POLG: variants seen among roughly 807,000 people sequenced by gnomAD.
The protein encoded by POLG is DNA polymerase subunit gamma-1.
A neutral mutation model predicts 155.4 loss-of-function variants in POLG; 110 were observed. That is an observed-to-expected ratio of 0.71 (90% CI 0.61 to 0.83). The LOEUF is 0.83. Among genes scored for constraint, POLG ranks in the 40% least tolerant of loss-of-function variants. The pLI, the probability that POLG is intolerant of heterozygous loss-of-function variation, is 0.00. For missense variants in POLG, 1,685 were observed against 1,627.5 expected (o/e 1.04, Z -0.61); for synonymous variants, 701 against 631.5 (o/e 1.11, Z -1.65).
Position 89,319,336 on chromosome 15 carries a change from T to A in POLG, c.2996A>T (p.Asp999Val). 6.2e-7 allele frequency: 1 copy of A among 1,613,878 alleles called. No individual in the cohort carries two copies. The highest frequency in any genetic ancestry group is 8.5e-7 in the Non-Finnish European group (1 of 1,179,994). The change falls in exon 19 of 23, where the codon GAT (aspartate) becomes GTT (valine). Residue 999 changes from aspartate to valine, a missense_variant. Physicochemically the swap from Asp to Val is radical, Grantham distance 152. This residue lies in a region of POLG where 470 missense variants were observed against 439.9 expected (regional missense o/e 1.07). Transcript: ENST00000268124. The stretch of plus-strand genomic sequence containing the variant: ...CTCCCTCACCAGCCACTCGCCCTCA[T>A]CCGACAGCCGATACCTGGGGGCAGT... Reference protein sequence around the residue: ...TKGLRWYRLSDEGEWLVRELN... With the variant: ...TKGLRWYRLSVEGEWLVRELN...
At position 89,321,977 on chromosome 15, in the gene POLG, G is replaced by A. The variant is rs1012514400; in HGVS notation, c.2465C>T (p.Pro822Leu). ...MVVWLPRSALPRAVIRHPDYD... is the reference protein window; with the variant it reads ...MVVWLPRSALLRAVIRHPDYD... ...CAGACCATACCTGATCACAGCACGG[G>A]GCAGAGCTGACCTGGGCAGCCACAC... Residue 822 changes from proline (P) to leucine (L), a missense_variant, in exon 15 of 23, where the codon CCC (proline) becomes CTC (leucine). Coordinates refer to ENST00000268124, the MANE Select transcript of POLG (RefSeq NM_002693.3). The A allele has an allele frequency of 6.2e-7, 1 of 1,614,108 alleles. No homozygotes were observed. Among genetic ancestry groups the A allele is most frequent in the Non-Finnish European group, 8.5e-7 (1 of 1,179,978 alleles).
chr15:89,323,555 G>GCATT (rs1438979771), intron 12 of POLG, 44 bp from the exon 13 acceptor site: 1 of 1,289,024 alleles, frequency 7.8e-7, no homozygotes. Context: ...TCCAGCACCT[G>GCATT]CATTCAGCAA....
chr15:89,323,049 A>G, intron 13 of POLG, 147 bp from the exon 14 acceptor site: 5 of 754,006 alleles, frequency 6.6e-6, no homozygotes, highest in South Asian at 1.7e-5. Flanking sequence ...GCACGCGCGC[A>G]CGCGCGCACG....
In POLG at chr15:89,322,754, T is replaced by A. The variant is rs1474020827; in HGVS notation, c.2414A>T (p.His805Leu). The A allele has an allele frequency of 6.2e-7, 1 of 1,613,960 alleles. No homozygotes were observed. The highest frequency in any genetic ancestry group is 8.5e-7 in the Non-Finnish European group (1 of 1,179,986). ...NKMISFWRNA[H>L]KRISSQMVVW... ...CATGGTGGCCCACCTGATACGTTTA[T>A]GGGCGTTCCTCCAGAAAGAAATCAT... Residue 805 changes from histidine to leucine, a missense_variant, in exon 14 of 23, where the codon CAT (histidine) becomes CTT (leucine). Around this residue, in one of 3 missense-constraint regions of POLG, gnomAD observed 1,210 missense variants for 1,167.1 expected, o/e 1.04. Coordinates refer to ENST00000268124, the MANE Select transcript of POLG (RefSeq NM_002693.3).
Position 89,333,329 on chromosome 15 carries a change from C to G in POLG, c.426G>C (p.Leu142=). 1 of 1,560,078 alleles carries G rather than the reference C, an allele frequency of 6.4e-7. No individual in the cohort carries two copies. Among genetic ancestry groups the G allele is most frequent in the Non-Finnish European group, 8.7e-7 (1 of 1,153,180 alleles). ...GDNLDQHFRL[L]AQKQSLPYLE... is the part of the protein sequence containing the mutation. ...GGTAGGGCAGGCTCTGCTTCTGGGC[C>G]AGGAGGCGGAAGTGCTGGTCCAGGT... Residue 142 remains leucine, a synonymous_variant, in exon 2 of 23, where the codon CTG becomes CTC. Transcript: ENST00000268124.
At chr15:89,325,731 G>T in intron 9 of POLG, 45 bp from the exon 10 acceptor site, 1 of 1,399,308 alleles carries the variant, frequency 7.1e-7, no homozygotes, top group Non-Finnish European at 1.0e-6. Context: ...GGTAAGGGCA[G>T]TTGTTGGGGG....
intron 14 of POLG, among the ~76,000 whole-genome samples, chr15:89,322,433 A>G (rs1446382992): frequency 3.3e-5 from 5 of 152,196 alleles, no homozygotes; most frequent in African/African-American, 1.2e-4. Context: ...CCAGCCCCCA[A>G]CAGGGCTTAC....
At chr15:89,318,788 C>A in intron 20 of POLG, 39 bp from the exon 21 acceptor site, 3 of 1,581,642 alleles carry the variant, frequency 1.9e-6, no homozygotes, top group Non-Finnish European at 2.6e-6. Flanking sequence ...AGGGGCTATG[C>A]TACATACCAA....
At chr15:89,317,270 G>T in intron 22 of POLG, 106 bp downstream of exon 22, 1 of 942,638 alleles carries the variant, frequency 1.1e-6, no homozygotes, top group Non-Finnish European at 1.7e-6. Context: ...TATAGCCTGA[G>T]TCAAGAGTGG....
At chr15:89,321,614 G>A in intron 16 of POLG, 122 bp downstream of exon 16, 1 of 825,338 alleles carries the variant, frequency 1.2e-6, no homozygotes, top group Non-Finnish European at 2.1e-6. Flanking sequence ...CTAGAGTCCT[G>A]CCTGACCCAG....
rs760305377 is a variant in POLG at position 89,320,863 on chromosome 15, C to T, written c.2884G>A (p.Ala962Thr). Residue 962 changes from alanine to threonine, a missense_variant, in exon 18 of 23, where the codon GCT becomes ACT. Transcript: ENST00000268124. ...TTAAACTGCATTAGTAAGCGCTCAG[C>T]AAAGGGCTGCCCAGCACCATAGATG... ...GRIYGAGQPF[A>T]ERLLMQFNHR... 4.3e-6 allele frequency: 7 copies of T among 1,613,874 alleles called. No homozygotes were observed. The East Asian group carries it at 1.3e-4, about 31-fold the overall frequency.
chr15:89,322,934 G>C, intron 13 of POLG, 32 bp from the exon 14 acceptor site: 1 of 1,607,436 alleles, frequency 6.2e-7, no homozygotes, highest in Non-Finnish European at 8.5e-7. Flanking sequence ...GGGGCTGGAG[G>C]CAGGTGGCAG....
In POLG at chr15:89,330,094, T is replaced by C. The variant is rs1201281408; in HGVS notation, c.842A>G (p.Gln281Arg). The stretch of plus-strand genomic sequence containing the variant: ...CAGGAACCTTACCTGGATCAGGTAC[T>C]GCTCCCTGATATGAGCTCGGTCAAA... ...VSFDRAHIREQYLIQGSRMRF... is the reference protein window; with the variant it reads ...VSFDRAHIRERYLIQGSRMRF... Residue 281 changes from glutamine to arginine, a missense_variant, in exon 3 of 23, where the codon CAG becomes CGG. Physicochemically the swap from Gln to Arg is conservative, Grantham distance 43 (BLOSUM62 1). Transcript: ENST00000268124. The C allele has an allele frequency of 6.2e-7, 1 of 1,613,346 alleles. No individual in the cohort carries two copies. The highest frequency in any genetic ancestry group is 1.7e-5 in the Admixed American group (1 of 60,034).
rs1241518907 is a variant in POLG at position 89,327,000 on chromosome 15, T to C, written c.1497A>G (p.Lys499=). ...CTGGTTCCTTCTTCACCTTCTTAGC[T>C]TTCTTCTGCTTAAATTCTTGCAGGT... ...EWDLQEFKQK[K]AKKVKKEPAT... is the part of the protein sequence containing the mutation. The change falls in exon 8 of 23, where the codon AAA becomes AAG. Residue 499 remains lysine (K), a synonymous_variant. Transcript: ENST00000268124. 1 of 1,614,198 alleles carries C rather than the reference T, an allele frequency of 6.2e-7. No individual in the cohort carries two copies. Among genetic ancestry groups the C allele is most frequent in the Non-Finnish European group, 8.5e-7 (1 of 1,180,034 alleles).
rs2055387794 is a variant in POLG, at chr15:89,321,027, GGAGT to G, written c.2735-19_2735-16del. 1 of 1,614,018 alleles carries G rather than the reference GGAGT, an allele frequency of 6.2e-7. No homozygotes were observed. The highest frequency in any genetic ancestry group is 1.1e-5 in the South Asian group (1 of 91,088). ...GGCTGTGCAGCCTGGAAGACAAGCA[GGAGT>G]GAGAAAAGCAGCTCAGGAACATTCT... is the stretch of plus-strand genomic sequence containing the variant. On this transcript the variant is annotated splice_polypyrimidine_tract_variant and intron_variant, in intron 17 of 22. Transcript: ENST00000268124.
intron 14 of POLG, among the ~76,000 whole-genome samples, chr15:89,322,426 GCCC>G (rs1047986894): frequency 2.0e-5 from 3 of 152,212 alleles, no homozygotes; most frequent in Non-Finnish European, 4.4e-5. Context: ...CCAGCTCCCA[GCCC>G]CCAACAGGGC....
intron 10 of POLG, among the ~76,000 whole-genome samples, chr15:89,324,747 TACA>T (rs756582980): frequency 6.6e-6 from 1 of 152,238 alleles, no homozygotes; most frequent in Non-Finnish European, 1.5e-5. Flanking sequence ...CTTTGTCAAC[TACA>T]ACATGGGGAT....
Position 89,333,596 on chromosome 15 carries a change from T to TGCTGC in POLG, c.158_159insGCAGC (p.Gln55HisfsTer213). 1.3e-6 allele frequency: 2 copies of TGCTGC among 1,598,022 alleles called. No homozygotes were observed. The highest frequency in any genetic ancestry group is 1.7e-5 in the Admixed American group (1 of 59,154). ...GCACTTGCGGCTGCTGAGGCTGCTGTTGCTGCTGCTGCTGCTGCTGCTGCT... is the reference window on the plus strand; with the variant it reads ...GCACTTGCGGCTGCTGAGGCTGCTGTGCTGCTGCTGCTGCTGCTGCTGCTGCTGCT... On this transcript the variant is annotated frameshift_variant, in exon 2 of 23. Coordinates refer to ENST00000268124, the MANE Select transcript of POLG (RefSeq NM_002693.3). LOFTEE classifies it high-confidence loss of function.
chr15:89,319,427 CAT>C lies in POLG; in HGVS notation c.2982-79_2982-78del. On this transcript the variant is annotated intron_variant, in intron 18 of 22. Coordinates refer to ENST00000268124, the MANE Select transcript of POLG (RefSeq NM_002693.3). Reference sequence around the variant, plus strand: ...CTAGTGCCTTGGCAAGGAATGTTCACATATCACTTCAACTTTTAAAAACACTG... The same window carrying C: ...CTAGTGCCTTGGCAAGGAATGTTCACATCACTTCAACTTTTAAAAACACTG... 10 of 1,580,788 alleles carry C rather than the reference CAT, an allele frequency of 6.3e-6. No homozygotes were observed. In the South Asian group the frequency reaches 1.1e-4, roughly 18 times the overall value.
Sources: allele counts gnomAD v4.1 joint callset (sites outside exome capture counted in the v4.1 genomes callset), GRCh38; gene constraint gnomAD v4.1.1; regional missense constraint gnomAD v4.1.1; transcripts MANE v1.5; gene names NCBI Gene and HGNC (gene_info 2026-07-23, HGNC 2026-07-21).